SPTBN1: variants seen among roughly 807,000 people sequenced by gnomAD.
The protein encoded by SPTBN1 is spectrin beta, non-erythrocytic 1, also known as spectrin beta chain, non-erythrocytic 1.
Under a neutral mutation model 266.4 loss-of-function variants are expected in SPTBN1, and 32 were observed. The ratio of observed to expected loss-of-function variants is 0.12; its 90% CI spans 0.09 to 0.16. The LOEUF is 0.16. Ranked by LOEUF, SPTBN1 falls within the 10% of genes least tolerant of loss-of-function variation. SPTBN1 has a pLI of 1.00. For missense variants in SPTBN1, 2,296 were observed against 3,067.1 expected (o/e 0.75, Z 5.94); for synonymous variants, 1,336 against 1,162.2 (o/e 1.15, Z -3.04).
chr2:54,538,236 A>G (rs1165850666), intron 2 of SPTBN1, among the ~76,000 whole-genome samples: 1 of 152,220 alleles, frequency 6.6e-6, no homozygotes, highest in Non-Finnish European at 1.5e-5. Flanking sequence ...TGCCTTTAAC[A>G]TGGTGTTTCA....
Position 54,593,823 on chromosome 2 carries a change from C to CTTTT in SPTBN1, c.149-5245_149-5242dup, listed in dbSNP as rs374877354. 9.8e-3 allele frequency among the ~76,000 whole-genome samples: 634 copies of CTTTT among 64,774 alleles called. 104 individuals carry two copies. The highest frequency in any genetic ancestry group is 0.015 in the Non-Finnish European group (563 of 37,256). The allele number at this position is 64,774 out of a possible 152,430, so 42.5% of individuals were successfully genotyped here. ...TTCTAAGTCTTGTATCATGGAAACA[C>CTTTT]TTTTTTTTTTTTTTTTTTTTTTTTT... is the stretch of plus-strand genomic sequence containing the variant. On this transcript the variant is annotated intron_variant, in intron 2 of 35. Coordinates refer to ENST00000356805, the MANE Select transcript of SPTBN1 (RefSeq NM_003128.3).
At chr2:54,491,844 T>C (rs1321242314) in intron 1 of SPTBN1, among the ~76,000 whole-genome samples, 6 of 152,276 alleles carry the variant, frequency 3.9e-5, no homozygotes, top group Non-Finnish European at 7.4e-5. Context: ...CAGGCAGTCC[T>C]CCACCTTGCC....
chr2:54,610,809 T>G (rs961025995), intron 3 of SPTBN1, among the ~76,000 whole-genome samples: 2 of 152,254 alleles, frequency 1.3e-5, no homozygotes, highest in Non-Finnish European at 2.9e-5. Flanking sequence ...CTAGTGGCAC[T>G]TTGGGTCTCA....
chr2:54,545,891 G>A (rs1234137573), intron 2 of SPTBN1, among the ~76,000 whole-genome samples: 1 of 152,110 alleles, frequency 6.6e-6, no homozygotes, highest in Non-Finnish European at 1.5e-5. Context: ...TTTTCCTGGT[G>A]GTTTCTGTGT....
chr2:54,473,026 T>G (rs1180185145), intron 1 of SPTBN1, among the ~76,000 whole-genome samples: 1 of 152,242 alleles, frequency 6.6e-6, no homozygotes, highest in Non-Finnish European at 1.5e-5. Context: ...AGACTAATTG[T>G]GATAATTTCA....
chr2:54,528,657 A>G (rs1670986990), intron 2 of SPTBN1: 1 of 151,948 alleles, frequency 6.6e-6, no homozygotes, highest in African/African-American at 2.4e-5. Context: ...CTGAAGGCAT[A>G]CTAACTCTGC....
intron 2 of SPTBN1, among the ~76,000 whole-genome samples, chr2:54,567,487 T>C (rs1200493768): frequency 7.0e-6 from 1 of 143,082 alleles, no homozygotes; most frequent in African/African-American, 2.9e-5. Flanking sequence ...ACTACAGGCA[T>C]GCACCACCCA....
At chr2:54,663,335 G>A (rs758771917) in intron 32 of SPTBN1, 3 of 152,176 alleles carry the variant, frequency 2.0e-5, no homozygotes, top group Admixed American at 1.3e-4. Context: ...TGTACGAGGG[G>A]TGCAGGTTGT....
chr2:54,652,688 T>TA (rs1483876202), intron 26 of SPTBN1: 1 of 152,262 alleles, frequency 6.6e-6, no homozygotes, highest in Admixed American at 6.5e-5. Flanking sequence ...TGTAGTCTGT[T>TA]ACACTCCTGT....
chr2:54,568,980 T>TA (rs1206641063), intron 2 of SPTBN1, among the ~76,000 whole-genome samples: 2 of 152,238 alleles, frequency 1.3e-5, no homozygotes, highest in African/African-American at 4.8e-5. Flanking sequence ...ACATCAAACT[T>TA]ACCTAGTGGT....
At chr2:54,555,507 A>G (rs1672813688) in intron 2 of SPTBN1, among the ~76,000 whole-genome samples, 1 of 152,066 alleles carries the variant, frequency 6.6e-6, no homozygotes. Context: ...TTTTCATTTG[A>G]TTGCTCCTTT....
intron 1 of SPTBN1, among the ~76,000 whole-genome samples, chr2:54,518,696 A>G (rs530776186): frequency 6.6e-6 from 1 of 152,198 alleles, no homozygotes; most frequent in Non-Finnish European, 1.5e-5. Context: ...AATTCTGCCA[A>G]AGTAATTGTT....
At chr2:54,457,197 G>C (rs1460514623) in intron 1 of SPTBN1, 1 of 132,478 alleles carries the variant, frequency 7.5e-6, no homozygotes, top group Non-Finnish European at 1.5e-5. Context: ...CCCAGGGCTG[G>C]GCGTGAGCCG....
In SPTBN1 at chr2:54,649,292, C is replaced by A; in HGVS notation, c.5202+102C>A. 2 of 1,272,624 alleles carry A rather than the reference C, an allele frequency of 1.6e-6. No individual in the cohort carries two copies. Among genetic ancestry groups the A allele is most frequent in the South Asian group, 1.5e-5 (1 of 65,054 alleles). 78.8% of individuals were successfully genotyped at this position (1,272,624 alleles called of 1,614,324 possible). A position where few individuals can be genotyped will look rare whatever the true frequency, so the allele number is the denominator to read the frequency against. The stretch of plus-strand genomic sequence containing the variant: ...TGAGCAGATAAAATGCCCTGGACTC[C>A]AATCAGAGGTCTTGGGGTTTAGTTT... On this transcript the variant is annotated intron_variant, in intron 25 of 35. Transcript: ENST00000356805. This position sits in a 1 kb window ranked among gnomAD's most constrained non-coding sequence, Gnocchi z 6.7.
At chr2:54,565,698 C>G (rs972162946) in intron 2 of SPTBN1, among the ~76,000 whole-genome samples, 2 of 152,160 alleles carry the variant, frequency 1.3e-5, no homozygotes, top group Non-Finnish European at 2.9e-5. Context: ...AATATCTAGG[C>G]TGCTTTCCTT....
intron 2 of SPTBN1, among the ~76,000 whole-genome samples, chr2:54,587,084 G>A (rs866488522): frequency 6.6e-6 from 1 of 152,098 alleles, no homozygotes; most frequent in African/African-American, 2.4e-5. Context: ...TACACGCCCC[G>A]TAGAACATTA....
intron 1 of SPTBN1, among the ~76,000 whole-genome samples, chr2:54,483,778 C>T (rs1668212579): frequency 6.6e-6 from 1 of 152,196 alleles, no homozygotes; most frequent in South Asian, 2.1e-4. Flanking sequence ...CAAAGAGTTT[C>T]TCCTGTTTTG....
chr2:54,469,054 T>A (rs1573211551), intron 1 of SPTBN1, among the ~76,000 whole-genome samples: 1 of 152,308 alleles, frequency 6.6e-6, no homozygotes, highest in East Asian at 1.9e-4. Context: ...TATCTTGGGA[T>A]TTAGGATCTG....
In SPTBN1 at chr2:54,664,011, C is replaced by G. The variant is rs183423222; in HGVS notation, c.6421-442C>G. On this transcript the variant is annotated intron_variant, in intron 32 of 35. Coordinates refer to ENST00000356805, the MANE Select transcript of SPTBN1 (RefSeq NM_003128.3). This position sits in a 1 kb window ranked among gnomAD's most constrained non-coding sequence, Gnocchi z 5.6. The stretch of plus-strand genomic sequence containing the variant: ...TGCCATGTAGCTCTGATAGAGTTGT[C>G]TATCGGTCTGTTTGTGAATGCCCTT... 1.8e-4 allele frequency: 28 copies of G among 155,172 alleles called. No individual in the cohort carries two copies. Among genetic ancestry groups the G allele is most frequent in the Admixed American group, 5.7e-4 (9 of 15,700 alleles). 9.6% of individuals were successfully genotyped at this position (155,172 alleles called of 1,614,324 possible).
Sources: allele counts gnomAD v4.1 joint callset (sites outside exome capture counted in the v4.1 genomes callset), GRCh38; gene constraint gnomAD v4.1.1; non-coding constraint Gnocchi (gnomAD v3.1); transcripts MANE v1.5; gene names NCBI Gene and HGNC (gene_info 2026-07-23, HGNC 2026-07-21).